GALNTL5: variants seen among roughly 807,000 people sequenced by gnomAD.
The protein encoded by GALNTL5 is inactive polypeptide N-acetylgalactosaminyltransferase-like protein 5.
A neutral mutation model predicts 51.0 loss-of-function variants in GALNTL5; 44 were observed. The ratio of observed to expected loss-of-function variants is 0.86; its 90% confidence interval spans 0.68 to 1.11. The LOEUF (loss-of-function observed/expected upper bound fraction) is 1.11. GALNTL5 is among the 50% of genes least tolerant of loss of function. GALNTL5 has a pLI of 0.00. For synonymous variants in GALNTL5, 192 were observed against 182.8 expected, an observed-to-expected ratio of 1.05 and a Z score of -0.41; for missense variants, 528 against 531.8, an observed-to-expected ratio of 0.99 and a Z score of 0.07.
chr7:151,985,084 TAGAC>T (rs1404475539), intron 4 of GALNTL5, among the ~76,000 whole-genome samples: 8 of 152,140 alleles, frequency 5.3e-5, no homozygotes, highest in East Asian at 1.9e-4. Context: ...TCCTGGGTGA[TAGAC>T]AGCCATCTTT....
At chr7:151,963,556 C>T (rs1275821458) in intron 1 of GALNTL5, among the ~76,000 whole-genome samples, 2 of 152,164 alleles carry the variant, frequency 1.3e-5, no homozygotes, top group Non-Finnish European at 2.9e-5. Context: ...GGCAATCATG[C>T]CCAGCTAATC....
Position 151,967,401 on chromosome 7 carries a change from T to A in GALNTL5, c.155T>A (p.Val52Glu), listed in dbSNP as rs753441607. The part of the protein sequence containing the change: ...PLSAWSPGKK[V>E]HQQIIYGSEQ... ...TCAGCTTGGTCCCCTGGAAAAAAAG[T>A]GCATCAGCAAATTATCTATGGCTCA... The change falls in exon 2 of 9, where the codon GTG (valine) becomes GAG (glutamate). Residue 52 changes from valine (V) to glutamate (E), a missense_variant. By Grantham distance (121) the Val-to-Glu change is moderately radical (BLOSUM62 -2). Coordinates refer to ENST00000392800, the MANE Select transcript of GALNTL5 (RefSeq NM_145292.4). 2.5e-5 allele frequency: 41 copies of A among 1,613,980 alleles called. No individual in the cohort carries two copies. The Middle Eastern group carries it at 2.5e-3, about 97-fold the overall frequency.
intron 5 of GALNTL5, among the ~76,000 whole-genome samples, chr7:151,988,800 A>C (rs1057120672): frequency 1.3e-5 from 2 of 150,782 alleles, no homozygotes; most frequent in Admixed American, 6.6e-5. Flanking sequence ...CACTGGGCTC[A>C]AGCAATTCTC....
At chr7:151,983,345 T>G (rs1377922285) in intron 4 of GALNTL5, among the ~76,000 whole-genome samples, 193 bp downstream of exon 4, 1 of 151,838 alleles carries the variant, frequency 6.6e-6, no homozygotes, top group African/African-American at 2.4e-5. Context: ...GCCCGGCTAA[T>G]TTTTGTATTT....
At chr7:152,003,048 A>G in intron 6 of GALNTL5, 85 bp downstream of exon 6, 1 of 1,186,748 alleles carries the variant, frequency 8.4e-7, no homozygotes, top group Admixed American at 2.1e-5. Flanking sequence ...TATTCTTTCA[A>G]GTTCTTGGGC....
chr7:152,019,619 A>G, intron 8 of GALNTL5, 27 bp from the exon 9 acceptor site: 1 of 1,596,614 alleles, frequency 6.3e-7, no homozygotes, highest in African/African-American at 1.3e-5. Flanking sequence ...GGTTGAACGT[A>G]ACGACTGACT....
chr7:151,997,006 C>CA (rs59151216), intron 5 of GALNTL5, among the ~76,000 whole-genome samples: 45,180 of 151,854 alleles, frequency 0.3, 6,772 homozygotes, highest in South Asian at 0.42. Context: ...TGTTGCTTTT[C>CA]AAAAAACAAG....
chr7:151,991,703 G>A (rs533158783), intron 5 of GALNTL5, among the ~76,000 whole-genome samples: 3 of 152,082 alleles, frequency 2.0e-5, no homozygotes, highest in African/African-American at 7.2e-5. Context: ...GATTAGTACA[G>A]CTTGATAAGA....
intron 8 of GALNTL5, among the ~76,000 whole-genome samples, chr7:152,015,819 A>G (rs1428453515): frequency 6.6e-6 from 1 of 152,190 alleles, no homozygotes; most frequent in African/African-American, 2.4e-5. Flanking sequence ...GCATTTCCCC[A>G]GGAGTTAAGT....
chr7:151,960,691 G>A (rs1223206995), intron 1 of GALNTL5: 2 of 152,276 alleles, frequency 1.3e-5, no homozygotes, highest in East Asian at 3.9e-4. Context: ...TGCACCCATT[G>A]ACCAGTCTTT....
chr7:151,973,654 G>A (rs2081174434), intron 3 of GALNTL5, among the ~76,000 whole-genome samples: 1 of 152,214 alleles, frequency 6.6e-6, no homozygotes, highest in South Asian at 2.1e-4. Context: ...TTCATAGGAG[G>A]AAGGGACTTG....
chr7:151,994,291 A>G (rs951008020), intron 5 of GALNTL5, among the ~76,000 whole-genome samples: 1 of 152,108 alleles, frequency 6.6e-6, no homozygotes, highest in Non-Finnish European at 1.5e-5. Context: ...ACCCATGCAC[A>G]TTTATTCTTT....
At chr7:151,965,520 A>C (rs773181258) in intron 1 of GALNTL5, among the ~76,000 whole-genome samples, 8 of 152,334 alleles carry the variant, frequency 5.3e-5, no homozygotes, top group Admixed American at 6.5e-5. Flanking sequence ...GTTCTCATTT[A>C]TCAAGCTCAA....
At chr7:152,004,917 A>G (rs1270156794) in intron 6 of GALNTL5, among the ~76,000 whole-genome samples, 1 of 152,178 alleles carries the variant, frequency 6.6e-6, no homozygotes, top group East Asian at 1.9e-4. Flanking sequence ...TAAACATACA[A>G]TGGCAGGTAT....
chr7:151,984,973 C>T (rs1187727893), intron 4 of GALNTL5, among the ~76,000 whole-genome samples: 1 of 152,184 alleles, frequency 6.6e-6, no homozygotes, highest in African/African-American at 2.4e-5. Context: ...ATGCCACAAA[C>T]TGGGTGGCTT....
At chr7:151,964,400 G>A (rs1237473878) in intron 1 of GALNTL5, among the ~76,000 whole-genome samples, 1 of 152,142 alleles carries the variant, frequency 6.6e-6, no homozygotes, top group Non-Finnish European at 1.5e-5. Context: ...TGCTGTGTGA[G>A]GAACCCAGGG....
At chr7:151,991,161 C>T (rs570001054) in intron 5 of GALNTL5, among the ~76,000 whole-genome samples, 228 of 152,180 alleles carry the variant, frequency 1.5e-3, no homozygotes, top group African/African-American at 5.2e-3. Flanking sequence ...GGCGTCATCT[C>T]GGCTCACTGC....
At chr7:151,965,323 C>T (rs2081046032) in intron 1 of GALNTL5, among the ~76,000 whole-genome samples, 1 of 152,226 alleles carries the variant, frequency 6.6e-6, no homozygotes, top group Non-Finnish European at 1.5e-5. Context: ...CCCTCTACCG[C>T]TCTCTTTTCC....
intron 7 of GALNTL5, among the ~76,000 whole-genome samples, chr7:152,009,081 A>C (rs556421832): frequency 6.6e-6 from 1 of 152,204 alleles, no homozygotes; most frequent in Non-Finnish European, 1.5e-5. Context: ...ATGGCCTGTC[A>C]TATCTTTTAA....
Sources: allele counts gnomAD v4.1 joint callset (sites outside exome capture counted in the v4.1 genomes callset), GRCh38; gene constraint gnomAD v4.1.1; transcripts MANE v1.5; gene names NCBI Gene and HGNC (gene_info 2026-07-23, HGNC 2026-07-21).